SPATS2L: variants seen among roughly 807,000 people sequenced by gnomAD.
The protein encoded by SPATS2L is SPATS2-like protein.
SPATS2L carries 30 observed loss-of-function variants against 59.6 expected under a neutral mutation model. The observed-to-expected ratio is 0.50, with a 90% CI of 0.38 to 0.68. SPATS2L has a LOEUF of 0.68. Ranked by LOEUF, SPATS2L falls within the 30% of genes least tolerant of loss-of-function variation. SPATS2L has a pLI of 0.00. For missense variants in SPATS2L, 615 were observed against 700.0 expected, an observed-to-expected ratio of 0.88 and a Z score of 1.37; for synonymous variants, 252 against 263.5, an observed-to-expected ratio of 0.96 and a Z score of 0.42.
In SPATS2L at chr2:200,481,055, A is replaced by C. The variant is rs2087765184; in HGVS notation, c.*3024A>C. On this transcript the variant is annotated 3_prime_UTR_variant, in exon 13 of 13. Transcript: ENST00000409140. ...CCTGTTGGGTTCCCAATTACATTCCAAATTTACATTTCTTTTGAGAATCTC... is the reference window on the plus strand; with the variant it reads ...CCTGTTGGGTTCCCAATTACATTCCCAATTTACATTTCTTTTGAGAATCTC... 1.3e-5 allele frequency: 2 copies of C among 152,160 alleles called. No homozygotes were observed. Among genetic ancestry groups the C allele is most frequent in the African/African-American group, 4.8e-5 (2 of 41,434 alleles). 9.4% of individuals were successfully genotyped at this position (152,160 alleles called of 1,614,324 possible).
intron 3 of SPATS2L, among the ~76,000 whole-genome samples, chr2:200,402,319 T>G (rs2082553148): frequency 6.6e-6 from 1 of 152,240 alleles, no homozygotes; most frequent in African/African-American, 2.4e-5. Context: ...TTGCCCACTT[T>G]TGCTTTGTGC....
intron 6 of SPATS2L, among the ~76,000 whole-genome samples, chr2:200,427,029 T>A (rs944395035): frequency 5.9e-5 from 9 of 152,112 alleles, no homozygotes; most frequent in Admixed American, 5.9e-4. Context: ...CATTCAAGAG[T>A]GTTTTTGCTG....
intron 6 of SPATS2L, among the ~76,000 whole-genome samples, chr2:200,427,366 T>A (rs1355707370): frequency 6.6e-6 from 1 of 151,066 alleles, no homozygotes; most frequent in Admixed American, 6.6e-5. Flanking sequence ...AATTAAAAAC[T>A]TTTTTTTAAT....
chr2:200,430,412 ATTTG>A (rs1246992314), intron 6 of SPATS2L, among the ~76,000 whole-genome samples: 1 of 152,008 alleles, frequency 6.6e-6, no homozygotes, highest in Non-Finnish European at 1.5e-5. Flanking sequence ...AATTGAGGAA[ATTTG>A]AAAATTCAGT....
intron 3 of SPATS2L, among the ~76,000 whole-genome samples, chr2:200,408,817 C>G (rs2082775618): frequency 6.6e-6 from 1 of 152,170 alleles, no homozygotes; most frequent in African/African-American, 2.4e-5. Context: ...TAGGGAAGCC[C>G]CAGAGAGAGG....
intron 9 of SPATS2L, chr2:200,463,323 G>A (rs751059421): frequency 4.1e-4 from 62 of 152,128 alleles, no homozygotes; most frequent in Admixed American, 2.8e-3. Context: ...TATAACAGAA[G>A]CTCCTAAATC....
At chr2:200,330,017 A>C (rs2079882322) in intron 2 of SPATS2L, among the ~76,000 whole-genome samples, 1 of 152,216 alleles carries the variant, frequency 6.6e-6, no homozygotes, top group Admixed American at 6.5e-5. Context: ...CTCCTGAGCC[A>C]GACAGCCTGG....
At chr2:200,425,776 G>A (rs1286561513) in intron 6 of SPATS2L, among the ~76,000 whole-genome samples, 4 of 152,218 alleles carry the variant, frequency 2.6e-5, no homozygotes, top group South Asian at 2.1e-4. Context: ...TTGGGGTCGC[G>A]GGGGATGGGG....
chr2:200,471,077 T>C (rs2086992459), intron 11 of SPATS2L, among the ~76,000 whole-genome samples: 1 of 152,042 alleles, frequency 6.6e-6, no homozygotes, highest in East Asian at 1.9e-4. Flanking sequence ...GGAGAATCAC[T>C]TGAACCTGGA....
Position 200,323,024 on chromosome 2 carries a change from T to G in SPATS2L, c.-72-6407T>G, listed in dbSNP as rs538581099. ...TTTTGCAAGGGAGAAACAGTATCAC[T>G]TATGGACCCAAGGCCAAAAAGGCTT... On this transcript the variant is annotated intron_variant, in intron 1 of 12. Coordinates refer to ENST00000409140, the MANE Select transcript of SPATS2L (RefSeq NM_001100423.2). Among the ~76,000 whole-genome samples the G allele has an allele frequency of 2.0e-5, 3 of 152,348 alleles. No homozygotes were observed. In the East Asian group the frequency reaches 5.8e-4, roughly 29 times the overall value.
intron 2 of SPATS2L, among the ~76,000 whole-genome samples, chr2:200,383,665 A>G (rs1244179831): frequency 1.3e-5 from 2 of 152,202 alleles, no homozygotes; most frequent in Non-Finnish European, 2.9e-5. Flanking sequence ...TCTAAGTCAT[A>G]CGTCATGACA....
At chr2:200,317,342 C>T (rs67067836) in intron 1 of SPATS2L, among the ~76,000 whole-genome samples, 8,700 of 152,216 alleles carry the variant, frequency 0.057, 495 homozygotes, top group Admixed American at 0.19. Flanking sequence ...AAGTGAGTAA[C>T]GCCTACAATT....
intron 1 of SPATS2L, among the ~76,000 whole-genome samples, chr2:200,312,744 T>C (rs890635828): frequency 6.6e-6 from 1 of 152,194 alleles, no homozygotes; most frequent in African/African-American, 2.4e-5. Flanking sequence ...GCATATGCAC[T>C]GAGATGAAGA....
chr2:200,361,947 G>A (rs1352356353), intron 2 of SPATS2L, among the ~76,000 whole-genome samples: 1 of 152,122 alleles, frequency 6.6e-6, no homozygotes, highest in Non-Finnish European at 1.5e-5. Context: ...TAACCCAAAG[G>A]TGTGAATGCA....
chr2:200,420,016 G>C (rs1410431120), intron 6 of SPATS2L, among the ~76,000 whole-genome samples: 1 of 152,164 alleles, frequency 6.6e-6, no homozygotes, highest in Non-Finnish European at 1.5e-5. Flanking sequence ...AGAAAGGGCA[G>C]ACCAAATTAT....
At chr2:200,378,513 C>G (rs945180861) in intron 2 of SPATS2L, 1 of 479,210 alleles carries the variant, frequency 2.1e-6, no homozygotes, top group Non-Finnish European at 2.8e-6. Flanking sequence ...CACCAAGTGC[C>G]AGTGCGTTTA....
intron 9 of SPATS2L, chr2:200,461,390 T>A (rs2086230792): frequency 6.6e-6 from 1 of 152,200 alleles, no homozygotes; most frequent in South Asian, 2.1e-4. Context: ...CTTTCCACTG[T>A]GGTAAAGTTA....
At chr2:200,425,695 A>G (rs894891083) in intron 6 of SPATS2L, among the ~76,000 whole-genome samples, 50 of 152,280 alleles carry the variant, frequency 3.3e-4, no homozygotes, top group African/African-American at 1.1e-3. Context: ...ATCATCCAAC[A>G]TGTGTCAGGA....
At chr2:200,474,091 A>C (rs1336913096) in intron 12 of SPATS2L, among the ~76,000 whole-genome samples, 2 of 150,328 alleles carry the variant, frequency 1.3e-5, no homozygotes, top group East Asian at 3.9e-4. Context: ...CATCTCCAAG[A>C]AAAAGTCTTT....
Sources: gnomAD v4.1 joint callset for allele counts (sites outside exome capture counted in the v4.1 genomes callset) on GRCh38, gnomAD v4.1.1 for gene constraint, MANE v1.5 for transcripts, NCBI Gene and HGNC (gene_info 2026-07-23, HGNC 2026-07-21) for gene names.